Variants in MED13L observed in about 807,000 individuals in gnomAD.
MED13L encodes the protein mediator complex subunit 13L.
MED13L carries 7 observed loss-of-function variants against 220.9 expected under a neutral mutation model. The observed-to-expected ratio is 0.03, with a 90% CI of 0.02 to 0.06. The LOEUF (loss-of-function observed/expected upper bound fraction) is 0.06, where lower values mean the gene tolerates loss of function less well. Among genes scored for constraint, MED13L ranks in the 10% least tolerant of loss-of-function variants. The probability of loss-of-function intolerance (pLI) is 1.00; values close to 1 mark genes in which losing one functional copy is unlikely to be tolerated. For synonymous variants in MED13L, 1,011 were observed against 1,015.2 expected (o/e 1.00, Z 0.08); for missense variants, 1,965 against 2,760.5 (o/e 0.71, Z 6.46).
chr12:115,983,725 G>A (rs1877496552), intron 20 of MED13L, among the ~76,000 whole-genome samples, 185 bp from the exon 21 acceptor site: 1 of 152,148 alleles, frequency 6.6e-6, no homozygotes, highest in South Asian at 2.1e-4. Flanking sequence ...TGCACATGGA[G>A]CAACTTATAA....
At chr12:116,106,316 C>T (rs760060131) in intron 3 of MED13L, among the ~76,000 whole-genome samples, 12 of 151,844 alleles carry the variant, frequency 7.9e-5, no homozygotes, top group African/African-American at 2.9e-4. Flanking sequence ...TTAAGAACCA[C>T]AAACAAAGAA....
At chr12:116,208,328 G>A (rs1882482782) in intron 2 of MED13L, among the ~76,000 whole-genome samples, 1 of 152,196 alleles carries the variant, frequency 6.6e-6, no homozygotes. Flanking sequence ...CTCAGGAGGT[G>A]GAGGTTGCAG....
chr12:115,993,000 T>TAA (rs201429020), intron 16 of MED13L, among the ~76,000 whole-genome samples: 2 of 146,492 alleles, frequency 1.4e-5, no homozygotes, highest in Non-Finnish European at 1.5e-5. Context: ...AAAATACAAT[T>TAA]AAAAAAAAAA....
chr12:116,062,300 G>T (rs1236141472), intron 4 of MED13L, among the ~76,000 whole-genome samples: 1 of 151,548 alleles, frequency 6.6e-6, no homozygotes, highest in Non-Finnish European at 1.5e-5. Flanking sequence ...CCATAGGCAT[G>T]AATCACCAAG....
intron 4 of MED13L, among the ~76,000 whole-genome samples, chr12:116,082,320 C>A (rs1871293823): frequency 6.6e-6 from 1 of 152,104 alleles, no homozygotes; most frequent in Non-Finnish European, 1.5e-5. Context: ...AGGTGAGGAG[C>A]AAGCAAAGTA....
At chr12:116,007,985 T>C in intron 10 of MED13L, 1 of 332,752 alleles carries the variant, frequency 3.0e-6, no homozygotes. Context: ...AGTTTTAGAA[T>C]GGGTGGCTCA....
At chr12:116,208,298 G>A (rs1882480357) in intron 2 of MED13L, among the ~76,000 whole-genome samples, 1 of 152,212 alleles carries the variant, frequency 6.6e-6, no homozygotes, top group African/African-American at 2.4e-5. Context: ...TCTGGAGGCT[G>A]CGCAGGAGAA....
chr12:116,196,929 T>C (rs761376469), intron 2 of MED13L, among the ~76,000 whole-genome samples: 163 of 152,364 alleles, frequency 1.1e-3, no homozygotes, highest in Non-Finnish European at 1.9e-3. Flanking sequence ...TCTAGTTATA[T>C]ACTTAGTAAT....
rs901597725 is a variant in MED13L, at chr12:115,991,153, A to T, written c.3801T>A (p.Asp1267Glu). 2.1e-5 allele frequency: 34 copies of T among 1,614,082 alleles called. No homozygotes were observed. The Middle Eastern group carries it at 6.6e-4, about 31-fold the overall frequency. The stretch of plus-strand genomic sequence containing the variant: ...AGCATTCCGTCCAGTAATCATTATT[A>T]TCTGCTTGCACCCGGTCATAACTCC... ...VSWSYDRVQA[D>E]NNDYWTECFN... The change falls in exon 17 of 31, where the codon GAT (aspartate) becomes GAA (glutamate). Residue 1267 changes from aspartate to glutamate, a missense_variant. Physicochemically the swap from Asp to Glu is conservative, Grantham distance 45. This residue lies in a region of MED13L where 165 missense variants were observed against 190.8 expected (regional missense o/e 0.86). Coordinates refer to ENST00000281928, the MANE Select transcript of MED13L (RefSeq NM_015335.5). The surrounding 1 kb of genome is among the most constrained non-coding windows in gnomAD (Gnocchi z 7.7).
In MED13L at chr12:115,991,187, C is replaced by A. The variant is rs750723367; in HGVS notation, c.3767G>T (p.Cys1256Phe). 1 of 1,613,996 alleles carries A rather than the reference C, an allele frequency of 6.2e-7. No individual in the cohort carries two copies. The highest frequency in any genetic ancestry group is 1.3e-5 in the African/African-American group (1 of 74,896). The change falls in exon 17 of 31, where the codon TGT (cysteine) becomes TTT (phenylalanine). Residue 1256 changes from cysteine (C) to phenylalanine (F), a missense_variant. Transcript: ENST00000281928. This position sits in a 1 kb window ranked among gnomAD's most constrained non-coding sequence, Gnocchi z 7.7. ...ISSNNRQTLP[C>F]VSWSYDRVQA... is the part of the protein sequence containing the mutation. ...CACCCGGTCATAACTCCAGCTTACA[C>A]AGGGAAGAGTTTGGCGATTGTTAGA...
rs988228585 is a variant in MED13L, at chr12:116,061,933, G to T, written c.479+34736C>A. ...TGAGGCAGGAGAATGGCGTGAACCC[G>T]GGAGGCAGAGCTTGCAGTGAGCCGA... is the stretch of plus-strand genomic sequence containing the variant. On this transcript the variant is annotated intron_variant, in intron 4 of 30. Transcript: ENST00000281928. Among the ~76,000 whole-genome samples, 5 of 148,930 alleles carry T rather than the reference G, an allele frequency of 3.4e-5. 1 individual carries two copies. The East Asian group carries it at 1.0e-3, about 30-fold the overall frequency.
intron 2 of MED13L, among the ~76,000 whole-genome samples, chr12:116,138,388 A>C (rs1248938859): frequency 6.6e-6 from 1 of 152,072 alleles, no homozygotes; most frequent in African/African-American, 2.4e-5. Context: ...AAGGGTGGTA[A>C]CAACATTGAA....
Position 115,970,764 on chromosome 12 carries a change from A to G in MED13L, c.5897T>C (p.Val1966Ala). The G allele has an allele frequency of 6.2e-7, 1 of 1,613,918 alleles. No homozygotes were observed. Among genetic ancestry groups the G allele is most frequent in the South Asian group, 1.1e-5 (1 of 91,082 alleles). ...TCGGCCAAAAACAGAGCCCATTGTG[A>G]CAGCATCTTTAAAGAAAAAAATAGA... ...QGSFVVMPDA[V>A]TMGSVFGRST... The change falls in exon 27 of 31, where the codon GTC (valine) becomes GCC (alanine). Residue 1966 changes from valine (V) to alanine (A), a missense_variant. Physicochemically the swap from Val to Ala is moderately conservative, Grantham distance 64 (BLOSUM62 0). Around this residue, in one of 10 missense-constraint regions of MED13L, gnomAD observed 145 missense variants for 328.3 expected, o/e 0.44. Coordinates refer to ENST00000281928, the MANE Select transcript of MED13L (RefSeq NM_015335.5).
intron 4 of MED13L, among the ~76,000 whole-genome samples, chr12:116,031,759 A>AGAAAAGGAAGGAAGGAAG (rs1592967502): frequency 7.3e-5 from 3 of 40,952 alleles, no homozygotes; most frequent in African/African-American, 2.2e-4. Context: ...AGAAAAGAAA[A>AGAAAAGGAAGGAAGGAAG]GAAGGAAGGA....
chr12:116,039,122 C>T (rs1196353522), intron 4 of MED13L, among the ~76,000 whole-genome samples: 1 of 152,122 alleles, frequency 6.6e-6, no homozygotes, highest in African/African-American at 2.4e-5. Flanking sequence ...GTCTATTCAC[C>T]GTAATGATTC....
At chr12:115,987,332 C>A (rs368561338) in intron 17 of MED13L, 44 bp from the exon 18 acceptor site, 57 of 1,568,596 alleles carry the variant, frequency 3.6e-5, no homozygotes, top group Non-Finnish European at 4.9e-5. Context: ...AGGGGGCTAG[C>A]ACCCTCCTCT....
intron 2 of MED13L, among the ~76,000 whole-genome samples, chr12:116,203,407 T>G (rs1882123552): frequency 6.7e-6 from 1 of 148,914 alleles, no homozygotes. Flanking sequence ...AAAGGTGTTT[T>G]GTTTTGTGTT....
rs1872667116 is a variant in MED13L at position 116,096,722 on chromosome 12, A to C, written c.426T>G (p.Ile142Met). The change falls in exon 4 of 31, where the codon ATT becomes ATG. Residue 142 changes from isoleucine to methionine, a missense_variant. Physicochemically the swap from Ile to Met is conservative, Grantham distance 10. Coordinates refer to ENST00000281928, the MANE Select transcript of MED13L (RefSeq NM_015335.5). ...RCLMDKNFVRIGKWFVRPYEK... is the reference protein window; with the variant it reads ...RCLMDKNFVRMGKWFVRPYEK... ...CGTAGGGTCGGACAAACCATTTCCC[A>C]ATCCTAACGAAGTTCTTATCCATTA... 1 of 1,614,036 alleles carries C rather than the reference A, an allele frequency of 6.2e-7. No homozygotes were observed. The highest frequency in any genetic ancestry group is 8.5e-7 in the Non-Finnish European group (1 of 1,179,938).
At chr12:116,029,500 A>T (rs1463745415) in intron 4 of MED13L, among the ~76,000 whole-genome samples, 1 of 152,126 alleles carries the variant, frequency 6.6e-6, no homozygotes, top group African/African-American at 2.4e-5. Context: ...AAACCCATCT[A>T]CGTATTGCAC....
Sources: allele counts gnomAD v4.1 joint callset (sites outside exome capture counted in the v4.1 genomes callset), GRCh38; gene constraint gnomAD v4.1.1; regional missense constraint gnomAD v4.1.1; non-coding constraint Gnocchi (gnomAD v3.1); transcripts MANE v1.5; gene names NCBI Gene and HGNC (gene_info 2026-07-23, HGNC 2026-07-21).